The following MBNL2 variants were observed in gnomAD, a reference collection of about 807,000 sequenced individuals.
MBNL2 encodes muscleblind like splicing regulator 2, also known as muscleblind-like protein 2.
Under a neutral mutation model 41.9 loss-of-function variants are expected in MBNL2, and 17 were observed. The observed-to-expected ratio is 0.41, with a 90% CI of 0.28 to 0.61. MBNL2 has a LOEUF of 0.61. MBNL2 is among the 20% of genes least tolerant of loss of function. The pLI, the probability that MBNL2 is intolerant of heterozygous loss-of-function variation, is 0.35. For missense variants in MBNL2, 336 were observed against 505.6 expected, an observed-to-expected ratio of 0.66 and a Z score of 3.22; for synonymous variants, 195 against 182.9, an observed-to-expected ratio of 1.07 and a Z score of -0.53.
At chr13:97,272,944 A>G (rs931513323) in intron 1 of MBNL2, among the ~76,000 whole-genome samples, 1 of 152,236 alleles carries the variant, frequency 6.6e-6, no homozygotes, top group South Asian at 2.1e-4. Flanking sequence ...GAAAAAATAT[A>G]TATTTCTTCC....
intron 8 of MBNL2, among the ~76,000 whole-genome samples, chr13:97,367,937 A>T (rs957471856): frequency 1.3e-5 from 2 of 152,160 alleles, no homozygotes; most frequent in African/African-American, 4.8e-5. Context: ...TTAATGTGGG[A>T]TGGGAGAAGG....
At chr13:97,219,653 G>C (rs1222125826), upstream of MBNL2, among the ~76,000 whole-genome samples, 2 of 152,178 alleles carry the variant, frequency 1.3e-5, no homozygotes, top group Middle Eastern at 6.8e-3. Flanking sequence ...CCACCCTCAC[G>C]ACCTCATCTA....
intron 2 of MBNL2, among the ~76,000 whole-genome samples, chr13:97,318,710 G>A (rs1594203718): frequency 6.6e-6 from 1 of 152,216 alleles, no homozygotes. Flanking sequence ...ATGAAGAACA[G>A]CTGGGGTTTG....
the MBNL2 span, among the ~76,000 whole-genome samples, chr13:97,156,421 TG>T: frequency 6.9e-6 from 1 of 145,198 alleles, no homozygotes; most frequent in Admixed American, 7.0e-5. Flanking sequence ...TTGTCAATTT[TG>T]GCTTTTGTTG....
chr13:97,393,813 C>CAATA lies in MBNL2; in HGVS notation c.*2365_*2368dup, dbSNP rs1347714459. On this transcript the variant is annotated 3_prime_UTR_variant, in exon 9 of 9. Coordinates refer to ENST00000679496, the MANE Select transcript of MBNL2 (RefSeq NM_001382683.1). Reference sequence around the variant, plus strand: ...TGTTTAATTAAAAAACAAAAATCACCAATATCCAAGACATGAAGATATCAG... The same window carrying CAATA: ...TGTTTAATTAAAAAACAAAAATCACCAATAAATATCCAAGACATGAAGATATCAG... 1.3e-5 allele frequency: 2 copies of CAATA among 152,348 alleles called. No individual in the cohort carries two copies. Among genetic ancestry groups the CAATA allele is most frequent in the African/African-American group, 4.8e-5 (2 of 41,378 alleles). 9.4% of individuals were successfully genotyped at this position (152,348 alleles called of 1,614,324 possible).
At chr13:97,380,474 A>G (rs1347799857) in intron 8 of MBNL2, among the ~76,000 whole-genome samples, 2 of 150,630 alleles carry the variant, frequency 1.3e-5, no homozygotes, top group Non-Finnish European at 3.0e-5. Flanking sequence ...AGCCTGGGCA[A>G]CAGAGCAAGA....
chr13:97,287,998 T>G (rs1283508608), intron 2 of MBNL2, among the ~76,000 whole-genome samples: 1 of 147,876 alleles, frequency 6.8e-6, no homozygotes, highest in African/African-American at 2.5e-5. Flanking sequence ...GGTCTCGAAC[T>G]CCTGACCTCA....
chr13:97,180,413 T>C, the MBNL2 span, among the ~76,000 whole-genome samples: 14,534 of 152,152 alleles, frequency 0.096, 763 homozygotes, highest in South Asian at 0.17. Context: ...GCTGAGTTGA[T>C]ATTTATAAAA....
At chr13:97,233,503 C>T (rs1270996118) in intron 1 of MBNL2, among the ~76,000 whole-genome samples, 1 of 151,574 alleles carries the variant, frequency 6.6e-6, no homozygotes, top group Non-Finnish European at 1.5e-5. Flanking sequence ...ACACAGACAC[C>T]TCATATTTCT....
At chr13:97,180,060 A>G in the MBNL2 span, among the ~76,000 whole-genome samples, 1 of 152,264 alleles carries the variant, frequency 6.6e-6, no homozygotes, top group African/African-American at 2.4e-5. Context: ...AAAACCAGTT[A>G]TGAATTGTGC....
the MBNL2 span, among the ~76,000 whole-genome samples, chr13:97,191,812 C>T: frequency 1.3e-5 from 2 of 152,180 alleles, no homozygotes; most frequent in Non-Finnish European, 2.9e-5. Context: ...AAGGGGGAGC[C>T]CTCTGCAGCT....
intron 2 of MBNL2, among the ~76,000 whole-genome samples, chr13:97,303,897 A>G (rs945212844): frequency 3.3e-5 from 5 of 152,218 alleles, no homozygotes; most frequent in Non-Finnish European, 7.3e-5. Flanking sequence ...TTTTACATTG[A>G]GCCAGAACCA....
chr13:97,301,198 G>T (rs554466098), intron 2 of MBNL2, among the ~76,000 whole-genome samples: 2 of 152,310 alleles, frequency 1.3e-5, no homozygotes, highest in Middle Eastern at 3.4e-3. Flanking sequence ...TGGGAATGGA[G>T]TGAACACTTA....
rs534087879 is a variant in MBNL2, at chr13:97,344,097, C to T, written c.540+881C>T. ...CTGGGATTACAGGCGTGAGCCACCGCGCCCAGCCCGTAAATTTAGTTATTA... is the reference window on the plus strand; with the variant it reads ...CTGGGATTACAGGCGTGAGCCACCGTGCCCAGCCCGTAAATTTAGTTATTA... On this transcript the variant is annotated intron_variant, in intron 4 of 8. Transcript: ENST00000679496. 8.5e-5 allele frequency among the ~76,000 whole-genome samples: 13 copies of T among 152,342 alleles called. 1 individual carries two copies. The highest frequency in any genetic ancestry group is 3.9e-4 in the Admixed American group (6 of 15,312).
chr13:97,361,608 C>T (rs11838553), intron 7 of MBNL2, among the ~76,000 whole-genome samples: 19,525 of 152,008 alleles, frequency 0.13, 1,785 homozygotes, highest in African/African-American at 0.26. Flanking sequence ...GCCAAAGTAA[C>T]ATGACTGATC....
At chr13:97,257,213 T>C (rs545192174) in intron 1 of MBNL2, among the ~76,000 whole-genome samples, 4 of 152,064 alleles carry the variant, frequency 2.6e-5, no homozygotes, top group East Asian at 1.9e-4. Flanking sequence ...TTCAAAGTCA[T>C]TGGTTCTCTT....
intron 8 of MBNL2, among the ~76,000 whole-genome samples, chr13:97,373,465 TA>T (rs550244280): frequency 0.027 from 3,749 of 140,680 alleles, 92 homozygotes; most frequent in Admixed American, 0.087. Flanking sequence ...TTTCTTTGTG[TA>T]AAAAAAAAAA....
At chr13:97,368,799 T>A (rs915127412) in intron 8 of MBNL2, among the ~76,000 whole-genome samples, 2 of 151,948 alleles carry the variant, frequency 1.3e-5, no homozygotes, top group Non-Finnish European at 2.9e-5. Context: ...CTAAAATATA[T>A]CACTTTCAGG....
chr13:97,151,551 A>G, the MBNL2 span, among the ~76,000 whole-genome samples: 1 of 152,188 alleles, frequency 6.6e-6, no homozygotes, highest in Non-Finnish European at 1.5e-5. Context: ...AGTGGTGTAA[A>G]TACTCCCACC....
Sources: gnomAD v4.1 joint callset for allele counts (sites outside exome capture counted in the v4.1 genomes callset) on GRCh38, gnomAD v4.1.1 for gene constraint, MANE v1.5 for transcripts, NCBI Gene and HGNC (gene_info 2026-07-23, HGNC 2026-07-21) for gene names.